CTNNA2: variants seen among roughly 807,000 people sequenced by gnomAD.
The protein encoded by CTNNA2 is catenin alpha 2.
CTNNA2 carries 42 observed loss-of-function variants against 101.0 expected under a neutral mutation model. The observed-to-expected ratio is 0.42, with a 90% confidence interval of 0.32 to 0.54. The LOEUF (loss-of-function observed/expected upper bound fraction) is 0.54, where lower values mean the gene tolerates loss of function less well. Among genes scored for constraint, CTNNA2 ranks in the 20% least tolerant of loss-of-function variants. CTNNA2 has a pLI of 0.14. For missense variants in CTNNA2, 871 were observed against 1,223.1 expected, an observed-to-expected ratio of 0.71 and a Z score of 4.29; for synonymous variants, 450 against 456.4, an observed-to-expected ratio of 0.99 and a Z score of 0.18.
intron 1 of CTNNA2, among the ~76,000 whole-genome samples, chr2:79,194,745 G>T (rs1357478820): frequency 6.6e-6 from 1 of 152,086 alleles, no homozygotes; most frequent in East Asian, 1.9e-4. Context: ...GGATCCCTGG[G>T]CTGCCTCTAC....
chr2:80,079,323 T>G (rs1573013975), intron 7 of CTNNA2, among the ~76,000 whole-genome samples: 1 of 151,936 alleles, frequency 6.6e-6, no homozygotes, highest in African/African-American at 2.4e-5. Context: ...AGGAGGTAGG[T>G]GGAGTGTTAC....
intron 6 of CTNNA2, among the ~76,000 whole-genome samples, chr2:79,884,502 C>T (rs531102235): frequency 6.6e-6 from 1 of 152,124 alleles, no homozygotes; most frequent in African/African-American, 2.4e-5. Flanking sequence ...AATACTTCAG[C>T]TTTGGAAGGG....
intron 2 of CTNNA2, among the ~76,000 whole-genome samples, chr2:79,215,312 C>T (rs1424041577): frequency 6.6e-6 from 1 of 152,136 alleles, no homozygotes; most frequent in Non-Finnish European, 1.5e-5. Context: ...TGGAGGAACG[C>T]CTGGCCACTG....
At chr2:79,690,855 G>C (rs6729255) in intron 2 of CTNNA2, among the ~76,000 whole-genome samples, 101,095 of 151,874 alleles carry the variant, frequency 0.67, 33,877 homozygotes, top group East Asian at 0.89. Flanking sequence ...AAACATTCAC[G>C]TATTTATACA....
intron 6 of CTNNA2, among the ~76,000 whole-genome samples, chr2:79,909,320 C>G (rs1685632232): frequency 6.6e-6 from 1 of 152,194 alleles, no homozygotes; most frequent in African/African-American, 2.4e-5. Context: ...AAAAAAGTGT[C>G]CTAATCTTAT....
At chr2:79,185,487 T>C (rs1320529273) in intron 1 of CTNNA2, 4 of 152,242 alleles carry the variant, frequency 2.6e-5, no homozygotes, top group Non-Finnish European at 5.9e-5. Flanking sequence ...GATTATGTTT[T>C]TCATGTATCT....
intron 2 of CTNNA2, among the ~76,000 whole-genome samples, chr2:79,310,739 A>C (rs1339477998): frequency 6.6e-6 from 1 of 152,274 alleles, no homozygotes; most frequent in Non-Finnish European, 1.5e-5. Context: ...GAAGTAAATT[A>C]GAGAAAGTGG....
At chr2:80,572,046 C>G (rs1694646768) in intron 12 of CTNNA2, among the ~76,000 whole-genome samples, 1 of 152,082 alleles carries the variant, frequency 6.6e-6, no homozygotes, top group Admixed American at 6.6e-5. Flanking sequence ...GAGAATGCCC[C>G]AAATCACAGG....
chr2:79,423,329 A>G (rs565256763), intron 4 of CTNNA2, among the ~76,000 whole-genome samples: 8 of 152,208 alleles, frequency 5.3e-5, no homozygotes, highest in Non-Finnish European at 1.0e-4. Context: ...AGACCATCCT[A>G]TCTGCCCACT....
At chr2:80,098,340 T>A (rs1700302297) in intron 7 of CTNNA2, among the ~76,000 whole-genome samples, 1 of 152,174 alleles carries the variant, frequency 6.6e-6, no homozygotes, top group Non-Finnish European at 1.5e-5. Context: ...GAACCGCAAA[T>A]GCTGCTGCCT....
intron 9 of CTNNA2, among the ~76,000 whole-genome samples, chr2:80,465,221 A>G (rs1490116549): frequency 6.6e-6 from 1 of 152,198 alleles, no homozygotes; most frequent in Non-Finnish European, 1.5e-5. Context: ...AATTACAGTG[A>G]AACACATGAT....
At chr2:80,153,700 T>G (rs1400815978) in intron 7 of CTNNA2, among the ~76,000 whole-genome samples, 4 of 152,174 alleles carry the variant, frequency 2.6e-5, no homozygotes, top group African/African-American at 7.2e-5. Context: ...TGGAGAATGA[T>G]ATAGCTAATT....
chr2:80,119,651 C>T lies in CTNNA2; in HGVS notation c.1056+209854C>T, dbSNP rs572761147. Among the ~76,000 whole-genome samples, 8 of 152,256 alleles carry T rather than the reference C, an allele frequency of 5.3e-5. No individual in the cohort carries two copies. The South Asian group carries it at 1.0e-3, about 20-fold the overall frequency. On this transcript the variant is annotated intron_variant, in intron 7 of 18. Transcript: ENST00000402739. ...GCAAGATAATTGTATTTACTTCTAT[C>T]GAGGCTTCCTGAAAACTTTATAGTT...
intron 7 of CTNNA2, among the ~76,000 whole-genome samples, chr2:80,142,463 G>A (rs1225419017): frequency 6.6e-6 from 1 of 152,154 alleles, no homozygotes; most frequent in Non-Finnish European, 1.5e-5. Context: ...GCCCTAAAAT[G>A]AGGAGCAACA....
chr2:80,126,409 C>T (rs1558832690), intron 7 of CTNNA2, among the ~76,000 whole-genome samples: 1 of 151,874 alleles, frequency 6.6e-6, no homozygotes, highest in Non-Finnish European at 1.5e-5. Context: ...CTTCTCTGGC[C>T]CATCTTCTGC....
At chr2:80,162,492 T>C in intron 7 of CTNNA2, 1 of 1,603,150 alleles carries the variant, frequency 6.2e-7, no homozygotes, top group Non-Finnish European at 8.5e-7. Flanking sequence ...CTACTGTCTC[T>C]TCTGTTATCA....
intron 1 of CTNNA2, among the ~76,000 whole-genome samples, chr2:79,545,638 A>T (rs905952237): frequency 6.6e-6 from 1 of 152,194 alleles, no homozygotes; most frequent in Non-Finnish European, 1.5e-5. Context: ...TAAAAAAAAT[A>T]TTATTCAAAG....
At chr2:80,057,373 A>G (rs1448637123) in intron 7 of CTNNA2, among the ~76,000 whole-genome samples, 2 of 152,224 alleles carry the variant, frequency 1.3e-5, no homozygotes, top group Non-Finnish European at 2.9e-5. Context: ...ACCTTCTGAA[A>G]TACACCATTC....
chr2:80,191,242 A>G (rs1706481380), intron 7 of CTNNA2, among the ~76,000 whole-genome samples: 1 of 152,220 alleles, frequency 6.6e-6, no homozygotes, highest in Non-Finnish European at 1.5e-5. Context: ...GAGATATGAA[A>G]CTAGCTTAGG....
Sources: gnomAD v4.1 joint callset for allele counts (sites outside exome capture counted in the v4.1 genomes callset) on GRCh38, gnomAD v4.1.1 for gene constraint, MANE v1.5 for transcripts, NCBI Gene and HGNC (gene_info 2026-07-23, HGNC 2026-07-21) for gene names.